PAICS: variants seen among roughly 807,000 people sequenced by gnomAD.
PAICS encodes bifunctional phosphoribosylaminoimidazole carboxylase/phosphoribosylaminoimidazole succinocarboxamide synthetase.
PAICS carries 33 observed loss-of-function variants against 53.7 expected under a neutral mutation model. The ratio of observed to expected loss-of-function variants is 0.61; its 90% CI spans 0.47 to 0.82. PAICS has a LOEUF of 0.82. Ranked by LOEUF, PAICS falls within the 40% of genes least tolerant of loss-of-function variation. The pLI is 0.00. For missense variants in PAICS, 394 were observed against 494.1 expected (o/e 0.80, Z 1.92); for synonymous variants, 141 against 167.2 (o/e 0.84, Z 1.21).
the PAICS span, chr4:56,410,881 C>A: frequency 9.7e-6 from 9 of 930,484 alleles, no homozygotes; most frequent in Non-Finnish European, 1.1e-5. Flanking sequence ...CAAGTACAGC[C>A]CCAGAGACCA....
chr4:56,416,371 A>G, the PAICS span: 5 of 870,888 alleles, frequency 5.7e-6, no homozygotes, highest in South Asian at 2.6e-4. Flanking sequence ...CAATTGCATC[A>G]GTAGATAAGG....
At chr4:56,415,100 G>A in the PAICS span, among the ~76,000 whole-genome samples, 2 of 152,146 alleles carry the variant, frequency 1.3e-5, no homozygotes, top group Non-Finnish European at 2.9e-5. Context: ...GGGAATGCCT[G>A]TAAACATAAT....
chr4:56,439,906 T>G (rs575915771), intron 1 of PAICS, among the ~76,000 whole-genome samples: 14 of 152,320 alleles, frequency 9.2e-5, no homozygotes, highest in Admixed American at 9.1e-4. Flanking sequence ...ATTACAGATG[T>G]GAGCCACTGC....
chr4:56,459,358 T>G lies in PAICS; in HGVS notation c.1112-14T>G. On this transcript the variant is annotated splice_polypyrimidine_tract_variant and intron_variant, in intron 8 of 8. Transcript: ENST00000512576. ...TGAGCTCAATTTTCTGTCTTTTCCT[T>G]GCTGAACCAATAGGTCTTGGCTGTT... 1.3e-6 allele frequency: 2 copies of G among 1,522,604 alleles called. No homozygotes were observed. The highest frequency in any genetic ancestry group is 1.8e-6 in the Non-Finnish European group (2 of 1,127,648). The allele number at this position is 1,522,604 out of a possible 1,614,324, so 94.3% of individuals were successfully genotyped here. A position where few individuals can be genotyped will look rare whatever the true frequency, so the allele number is the denominator to read the frequency against.
At chr4:56,436,195 C>A (rs1195006729), upstream of PAICS, 2 of 1,522,370 alleles carry the variant, frequency 1.3e-6, no homozygotes, top group Non-Finnish European at 1.8e-6. Flanking sequence ...AAAAGAGTGG[C>A]GCAGGGTCGC....
Position 56,441,682 on chromosome 4 carries a change from A to G in PAICS, c.36A>G (p.Lys12=). 2.5e-6 allele frequency: 4 copies of G among 1,578,670 alleles called. No individual in the cohort carries two copies. The highest frequency in any genetic ancestry group is 3.4e-6 in the Non-Finnish European group (4 of 1,165,100). Reference sequence around the variant, plus strand: ...CCACAGTACTGAACATTGGTAAAAAATTATATGAGGGTAAAACAAAAGAAG... The same window carrying G: ...CCACAGTACTGAACATTGGTAAAAAGTTATATGAGGGTAAAACAAAAGAAG... ...ATAEVLNIGK[K]LYEGKTKEVY... Residue 12 remains lysine, a synonymous_variant, in exon 2 of 9, where the codon AAA becomes AAG. Transcript: ENST00000512576.
the PAICS span, chr4:56,410,554 G>A: frequency 4.1e-6 from 4 of 986,588 alleles, no homozygotes; most frequent in African/African-American, 3.5e-5. Context: ...CTGAGGAGGA[G>A]GTTAAAGCTT....
chr4:56,431,534 A>G, upstream of PAICS: 4 of 981,136 alleles, frequency 4.1e-6, no homozygotes, highest in South Asian at 1.9e-4. Flanking sequence ...CAGACAGAAA[A>G]CCCAACTTCA....
chr4:56,432,135 G>A (rs985611068), upstream of PAICS, among the ~76,000 whole-genome samples: 3 of 152,046 alleles, frequency 2.0e-5, no homozygotes, highest in African/African-American at 4.8e-5. Context: ...GTTAACCCCA[G>A]GACTAAATGT....
chr4:56,429,321 G>A, the PAICS span, among the ~76,000 whole-genome samples: 1 of 152,112 alleles, frequency 6.6e-6, no homozygotes, highest in Non-Finnish European at 1.5e-5. Context: ...GTACTTTACA[G>A]TGATTGTTGC....
At position 56,463,704 on chromosome 4, in the gene PAICS, A is replaced by G. The variant is rs1049180018; in HGVS notation, c.*4166A>G. ...GCGAAAATCTGTCGCCAAAAAAAAA[A>G]AAAAAAAGATACTGTACATGGAAGC... On this transcript the variant is annotated 3_prime_UTR_variant, in exon 9 of 9. Transcript: ENST00000512576. 6.6e-6 allele frequency: 1 copy of G among 152,044 alleles called. No individual in the cohort carries two copies. Among genetic ancestry groups the G allele is most frequent in the Non-Finnish European group, 1.5e-5 (1 of 68,090 alleles). The allele number at this position is 152,044 out of a possible 1,614,324, so 9.4% of individuals were successfully genotyped here. A position where few individuals can be genotyped will look rare whatever the true frequency, so the allele number is the denominator to read the frequency against.
At chr4:56,410,855 C>G in the PAICS span, 31 of 969,880 alleles carry the variant, frequency 3.2e-5, no homozygotes, top group Admixed American at 3.9e-4. Flanking sequence ...TGGCAGGTAC[C>G]TGGAAACGCT....
At chr4:56,449,736 G>A (rs1246252125) in intron 5 of PAICS, among the ~76,000 whole-genome samples, 1 of 151,652 alleles carries the variant, frequency 6.6e-6, no homozygotes, top group African/African-American at 2.4e-5. Flanking sequence ...CCAGCACTTT[G>A]GGAGGCCAAG....
chr4:56,441,416 C>T (rs1272815765), intron 1 of PAICS, among the ~76,000 whole-genome samples: 2 of 152,032 alleles, frequency 1.3e-5, no homozygotes, highest in Non-Finnish European at 2.9e-5. Flanking sequence ...GACCCTCAAC[C>T]CTTTTGATTT....
intron 7 of PAICS, 76 bp from the exon 8 acceptor site, chr4:56,453,526 AC>A: frequency 3.0e-6 from 3 of 995,518 alleles, no homozygotes; most frequent in Non-Finnish European, 4.3e-6. Flanking sequence ...TAGGCCTTAA[AC>A]CAAAAAAAAA....
At chr4:56,421,634 G>A in the PAICS span, 5 of 152,242 alleles carry the variant, frequency 3.3e-5, no homozygotes, top group Non-Finnish European at 7.3e-5. Flanking sequence ...AGGGAAGAGA[G>A]GGGAACCACA....
In PAICS at chr4:56,436,285, G is replaced by A; in HGVS notation, c.-28G>A. 6.3e-7 allele frequency: 1 copy of A among 1,596,402 alleles called. No homozygotes were observed. Among genetic ancestry groups the A allele is most frequent in the East Asian group, 2.3e-5 (1 of 43,696 alleles). On this transcript the variant is annotated 5_prime_UTR_variant, in exon 1 of 9. Coordinates refer to ENST00000512576, the MANE Select transcript of PAICS (RefSeq NM_001079524.2). The stretch of plus-strand genomic sequence containing the variant: ...AGAGTTCTGCCTCGCTTCCCGGCGC[G>A]GTCGCAGCCCTCAGCCCACTTAGGA...
intron 2 of PAICS, 187 bp downstream of exon 2, chr4:56,442,047 C>T (rs1367447689): frequency 2.0e-6 from 1 of 504,324 alleles, no homozygotes; most frequent in African/African-American, 2.0e-5. Flanking sequence ...TTATTAGTAT[C>T]ATTGAATTAA....
At chr4:56,428,731 T>TA in the PAICS span, among the ~76,000 whole-genome samples, 1,702 of 152,308 alleles carry the variant, frequency 0.011, 33 homozygotes, top group African/African-American at 0.038. Flanking sequence ...AAATGACCCT[T>TA]AAAAATCATT....
Sources: gnomAD v4.1 joint callset for allele counts (sites outside exome capture counted in the v4.1 genomes callset) on GRCh38, gnomAD v4.1.1 for gene constraint, MANE v1.5 for transcripts, NCBI Gene and HGNC (gene_info 2026-07-23, HGNC 2026-07-21) for gene names.